Variants in TMEM150C observed in about 807,000 individuals in gnomAD.
TMEM150C encodes the protein transmembrane protein 150C, also known as tentonin 3.
TMEM150C carries 10 observed loss-of-function variants against 29.9 expected under a neutral mutation model. That is an observed-to-expected ratio of 0.33 (90% confidence interval 0.21 to 0.57). The LOEUF (loss-of-function observed/expected upper bound fraction) is 0.57. TMEM150C is among the 20% of genes least tolerant of loss of function. The pLI is 0.88. For synonymous variants in TMEM150C, 101 were observed against 112.5 expected (o/e 0.90, Z 0.64); for missense variants, 251 against 303.6 (o/e 0.83, Z 1.29).
intron 1 of TMEM150C, among the ~76,000 whole-genome samples, chr4:82,540,968 C>T (rs182813085): frequency 1.4e-4 from 22 of 152,262 alleles, no homozygotes; most frequent in Admixed American, 1.3e-3. Context: ...CCAGCTCTGT[C>T]TCTACTAGCT....
At chr4:82,485,917 T>G (rs1210757351) in intron 7 of TMEM150C, among the ~76,000 whole-genome samples, 198 bp from the exon 8 acceptor site, 1 of 152,226 alleles carries the variant, frequency 6.6e-6, no homozygotes, top group African/African-American at 2.4e-5. Flanking sequence ...GTGGTAGACA[T>G]GCTTTTAGGT....
At chr4:82,486,727 G>C (rs550844723) in intron 7 of TMEM150C, among the ~76,000 whole-genome samples, 1 of 151,970 alleles carries the variant, frequency 6.6e-6, no homozygotes, top group Non-Finnish European at 1.5e-5. Flanking sequence ...TCTAGCTAGG[G>C]TGACGGCAAG....
At chr4:82,494,735 A>G (rs1401802287) in intron 6 of TMEM150C, 1 of 232,476 alleles carries the variant, frequency 4.3e-6, no homozygotes, top group Non-Finnish European at 8.6e-6. Flanking sequence ...AGAGACTAGA[A>G]AGGCTGAACT....
chr4:82,498,781 C>A (rs1723638352), intron 5 of TMEM150C, among the ~76,000 whole-genome samples: 1 of 152,166 alleles, frequency 6.6e-6, no homozygotes, highest in African/African-American at 2.4e-5. Context: ...TGGCTGCTCT[C>A]TTCATTATCT....
chr4:82,551,748 C>T (rs1448609666), intron 1 of TMEM150C, among the ~76,000 whole-genome samples: 1 of 152,116 alleles, frequency 6.6e-6, no homozygotes, highest in Non-Finnish European at 1.5e-5. Context: ...CCTAGGATGC[C>T]TCTCAATTAG....
intron 1 of TMEM150C, among the ~76,000 whole-genome samples, chr4:82,525,898 T>G (rs1409470784): frequency 6.6e-6 from 1 of 152,194 alleles, no homozygotes; most frequent in Non-Finnish European, 1.5e-5. Context: ...AAAAAACATT[T>G]TCTTTTGTTT....
At chr4:82,548,436 C>A (rs1286437879) in intron 1 of TMEM150C, among the ~76,000 whole-genome samples, 1 of 151,972 alleles carries the variant, frequency 6.6e-6, no homozygotes, top group Non-Finnish European at 1.5e-5. Context: ...ATTTAAAAAT[C>A]TTTACATTGT....
At chr4:82,504,796 C>T (rs1165241537) in intron 1 of TMEM150C, 129 bp from the exon 2 acceptor site, 6 of 606,444 alleles carry the variant, frequency 9.9e-6, no homozygotes, top group African/African-American at 3.7e-5. Flanking sequence ...TTTGGGAGGC[C>T]GAGGTGGGCG....
chr4:82,509,878 CAGAT>C (rs1159372618), intron 1 of TMEM150C: 2 of 152,128 alleles, frequency 1.3e-5, no homozygotes, highest in African/African-American at 4.8e-5. Context: ...AAATTCAAAA[CAGAT>C]AGTTTGTACA....
At position 82,515,736 on chromosome 4, in the gene TMEM150C, C is replaced by CAAA. The variant is rs557328249; in HGVS notation, c.-10-11072_-10-11070dup. 4.3e-5 allele frequency among the ~76,000 whole-genome samples: 5 copies of CAAA among 115,232 alleles called. No homozygotes were observed. The South Asian group carries it at 1.1e-3, about 26-fold the overall frequency. The allele number at this position is 115,232 out of a possible 152,430, so 75.6% of individuals were successfully genotyped here. ...TGGGCGACAGAGTGAGACTCTATCTCAAAAAAAAAAAAAAAAGAATCTCTT... is the reference window on the plus strand; with the variant it reads ...TGGGCGACAGAGTGAGACTCTATCTCAAAAAAAAAAAAAAAAAAAGAATCTCTT... On this transcript the variant is annotated intron_variant, in intron 1 of 7. Coordinates refer to ENST00000449862, the MANE Select transcript of TMEM150C (RefSeq NM_001080506.3).
intron 1 of TMEM150C, among the ~76,000 whole-genome samples, chr4:82,529,116 G>C (rs1024222340): frequency 4.5e-4 from 68 of 152,182 alleles, no homozygotes; most frequent in African/African-American, 1.5e-3. Context: ...AGAGCACAGA[G>C]CACAGGAGAG....
chr4:82,496,321 A>G, intron 5 of TMEM150C, 126 bp from the exon 6 acceptor site: 1 of 941,576 alleles, frequency 1.1e-6, no homozygotes, highest in Non-Finnish European at 1.6e-6. Flanking sequence ...AGAATTCTAA[A>G]GCCGCAATGT....
intron 5 of TMEM150C, among the ~76,000 whole-genome samples, chr4:82,497,306 C>T (rs532041838): frequency 9.4e-4 from 143 of 152,150 alleles, no homozygotes; most frequent in African/African-American, 2.7e-3. Flanking sequence ...TTTATTTTGA[C>T]GTTAAGGTTC....
At chr4:82,531,680 G>A (rs556236591) in intron 1 of TMEM150C, among the ~76,000 whole-genome samples, 2 of 150,930 alleles carry the variant, frequency 1.3e-5, no homozygotes, top group African/African-American at 4.9e-5. Context: ...GCTTGAACCC[G>A]GGAGGTGGAG....
chr4:82,499,710 C>A (rs571531141), intron 5 of TMEM150C, among the ~76,000 whole-genome samples: 1 of 124,118 alleles, frequency 8.1e-6, no homozygotes, highest in African/African-American at 3.4e-5. Flanking sequence ...GTGACAGAGA[C>A]TCCGTCTCCA....
At chr4:82,493,503 A>G (rs1030616722) in intron 6 of TMEM150C, among the ~76,000 whole-genome samples, 1 of 152,162 alleles carries the variant, frequency 6.6e-6, no homozygotes, top group Non-Finnish European at 1.5e-5. Context: ...TTTCTCATGT[A>G]TTCTGTTATA....
chr4:82,492,878 A>G (rs1189716708), intron 6 of TMEM150C, among the ~76,000 whole-genome samples: 2 of 137,764 alleles, frequency 1.5e-5, no homozygotes, highest in Admixed American at 8.2e-5. Flanking sequence ...ATATATATAT[A>G]TATATATATA....
intron 1 of TMEM150C, among the ~76,000 whole-genome samples, chr4:82,531,559 A>C (rs1358535204): frequency 1.3e-5 from 2 of 152,168 alleles, no homozygotes; most frequent in Non-Finnish European, 2.9e-5. Flanking sequence ...GTTCAAGACC[A>C]GCCTGGCCAA....
At chr4:82,524,171 G>T (rs2110079894) in intron 1 of TMEM150C, among the ~76,000 whole-genome samples, 1 of 151,814 alleles carries the variant, frequency 6.6e-6, no homozygotes, top group Non-Finnish European at 1.5e-5. Context: ...GGAAGGCTGA[G>T]GCAGGAGAAT....
Sources: gnomAD v4.1 joint callset for allele counts (sites outside exome capture counted in the v4.1 genomes callset) on GRCh38, gnomAD v4.1.1 for gene constraint, MANE v1.5 for transcripts, NCBI Gene and HGNC (gene_info 2026-07-23, HGNC 2026-07-21) for gene names.